MAP2K4: variants seen among roughly 807,000 people sequenced by gnomAD.
The protein encoded by MAP2K4 is mitogen-activated protein kinase kinase 4.
A neutral mutation model predicts 48.5 loss-of-function variants in MAP2K4; 4 were observed. The observed-to-expected ratio is 0.08, with a 90% CI of 0.04 to 0.19. The LOEUF (loss-of-function observed/expected upper bound fraction) is 0.19, where lower values mean the gene tolerates loss of function less well. Among genes scored for constraint, MAP2K4 ranks in the 10% least tolerant of loss-of-function variants. The pLI is 1.00. For missense variants in MAP2K4, 258 were observed against 493.3 expected (o/e 0.52, Z 4.52); for synonymous variants, 166 against 173.1 (o/e 0.96, Z 0.32).
At chr17:12,039,468 A>G (rs1260265072) in intron 1 of MAP2K4, among the ~76,000 whole-genome samples, 1 of 152,214 alleles carries the variant, frequency 6.6e-6, no homozygotes. Context: ...TAGCATCAGC[A>G]ATTACCAACA....
intron 3 of MAP2K4, among the ~76,000 whole-genome samples, chr17:12,090,051 A>G (rs79404608): frequency 0.014 from 2,088 of 152,270 alleles, 17 homozygotes; most frequent in East Asian, 0.047. Flanking sequence ...GACATCTGTC[A>G]TGTCCTCCGT....
At chr17:12,092,092 G>C (rs1971581375) in intron 3 of MAP2K4, among the ~76,000 whole-genome samples, 1 of 152,068 alleles carries the variant, frequency 6.6e-6, no homozygotes, top group African/African-American at 2.4e-5. Flanking sequence ...TAATGTTCTT[G>C]AGTTGATTTT....
At chr17:12,025,249 C>G (rs1409967109) in intron 1 of MAP2K4, among the ~76,000 whole-genome samples, 1 of 152,154 alleles carries the variant, frequency 6.6e-6, no homozygotes, top group Non-Finnish European at 1.5e-5. Flanking sequence ...TTTCTCAACT[C>G]TCTGTTCAGA....
intron 1 of MAP2K4, among the ~76,000 whole-genome samples, chr17:12,045,088 C>A (rs1969919234): frequency 6.6e-6 from 1 of 152,194 alleles, no homozygotes; most frequent in Non-Finnish European, 1.5e-5. Flanking sequence ...AAATATGGAT[C>A]CCCTTAGCCC....
At chr17:12,096,380 A>T (rs189092626) in intron 4 of MAP2K4, among the ~76,000 whole-genome samples, 15 of 151,942 alleles carry the variant, frequency 9.9e-5, no homozygotes, top group East Asian at 3.9e-4. Flanking sequence ...CCACTTACTC[A>T]TTTCCAGTCA....
intron 1 of MAP2K4, among the ~76,000 whole-genome samples, chr17:12,039,839 G>A (rs1008928490): frequency 6.6e-6 from 1 of 151,510 alleles, no homozygotes; most frequent in Non-Finnish European, 1.5e-5. Flanking sequence ...CATTTTTTTT[G>A]TTTAAAAAAT....
chr17:12,072,844 TAATA>T (rs1266091792), intron 2 of MAP2K4, among the ~76,000 whole-genome samples: 7 of 152,158 alleles, frequency 4.6e-5, no homozygotes, highest in Non-Finnish European at 1.0e-4. Context: ...GTCTCAAAAA[TAATA>T]AAAGTAAGCT....
intron 1 of MAP2K4, among the ~76,000 whole-genome samples, chr17:12,028,753 C>T (rs1969338687): frequency 1.3e-5 from 2 of 152,138 alleles, no homozygotes; most frequent in African/African-American, 4.8e-5. Context: ...TCCAGGGAAT[C>T]AGAAGCAACT....
intron 8 of MAP2K4, 54 bp from the exon 9 acceptor site, chr17:12,129,085 G>A (rs1226639917): frequency 1.3e-6 from 2 of 1,582,206 alleles, no homozygotes; most frequent in South Asian, 2.3e-5. Flanking sequence ...CTTCCAGTGG[G>A]GAGTAGTAAA....
intron 6 of MAP2K4, chr17:12,113,027 A>G (rs1372728741): frequency 1.0e-5 from 4 of 391,414 alleles, no homozygotes; most frequent in Non-Finnish European, 1.9e-5. Flanking sequence ...TTACATTTAC[A>G]CAATTATAGT....
intron 4 of MAP2K4, among the ~76,000 whole-genome samples, chr17:12,106,230 A>T (rs186933057): frequency 2.0e-5 from 3 of 152,222 alleles, no homozygotes; most frequent in African/African-American, 7.2e-5. Context: ...ACCTATTTAG[A>T]TAGTGTCTCT....
chr17:12,122,395 G>T (rs1029980338), intron 7 of MAP2K4, among the ~76,000 whole-genome samples: 2 of 152,096 alleles, frequency 1.3e-5, no homozygotes, highest in African/African-American at 2.4e-5. Context: ...GTCCTTAACC[G>T]TGGCAAGATA....
intron 1 of MAP2K4, among the ~76,000 whole-genome samples, chr17:12,043,478 G>A (rs1969860321): frequency 6.6e-6 from 1 of 152,088 alleles, no homozygotes; most frequent in East Asian, 1.9e-4. Context: ...TCCTCACTTA[G>A]GATGCTAGTC....
At chr17:12,069,890 CATATATATATATATATATATATATAT>C (rs56309746) in intron 2 of MAP2K4, 1,857 of 182,966 alleles carry the variant, frequency 0.01, 84 homozygotes, top group East Asian at 0.058. Context: ...GAAGATTAGT[CATATATATATATATATATATATATAT>C]ATATATATAT....
At chr17:12,131,299 G>A (rs1461438918) in intron 9 of MAP2K4, among the ~76,000 whole-genome samples, 3 of 148,580 alleles carry the variant, frequency 2.0e-5, no homozygotes, top group African/African-American at 5.0e-5. Context: ...AGGCTGGAGT[G>A]TAATGATGTG....
In MAP2K4 at chr17:12,112,465, C is replaced by CAAA. The variant is rs11370279; in HGVS notation, c.686-750_686-748dup. 2.7e-4 allele frequency among the ~76,000 whole-genome samples: 23 copies of CAAA among 86,522 alleles called. 1 individual carries two copies. The highest frequency in any genetic ancestry group is 4.4e-4 in the South Asian group (1 of 2,250). The allele number at this position is 86,522 out of a possible 152,430, so 56.8% of individuals were successfully genotyped here. ...GTAAAAAAGAGCGAGACTCTTGTCT[C>CAAA]AAAAAAAAAAAAAAAAAAAAGCATG... is the stretch of plus-strand genomic sequence containing the variant. On this transcript the variant is annotated intron_variant, in intron 6 of 10. Coordinates refer to ENST00000353533, the MANE Select transcript of MAP2K4 (RefSeq NM_003010.4).
intron 3 of MAP2K4, among the ~76,000 whole-genome samples, chr17:12,083,512 A>G (rs1971259277): frequency 6.6e-6 from 1 of 152,192 alleles, no homozygotes; most frequent in Admixed American, 6.5e-5. Flanking sequence ...TTCGTTTACC[A>G]TCTCGAATTC....
At chr17:12,099,297 G>T (rs1449243218) in intron 4 of MAP2K4, among the ~76,000 whole-genome samples, 2 of 151,692 alleles carry the variant, frequency 1.3e-5, no homozygotes, top group African/African-American at 2.4e-5. Context: ...TAAAAATGTG[G>T]ACATTTAGGT....
chr17:12,070,268 G>T (rs1429411766), intron 2 of MAP2K4, among the ~76,000 whole-genome samples: 1 of 151,980 alleles, frequency 6.6e-6, no homozygotes, highest in African/African-American at 2.4e-5. Context: ...GTTCTCATGT[G>T]CAGGAAAAAG....
Sources: gnomAD v4.1 joint callset for allele counts (sites outside exome capture counted in the v4.1 genomes callset) on GRCh38, gnomAD v4.1.1 for gene constraint, MANE v1.5 for transcripts, NCBI Gene and HGNC (gene_info 2026-07-23, HGNC 2026-07-21) for gene names.